The following RBFOX1 variants were observed in gnomAD, a reference collection of about 807,000 sequenced individuals.
RBFOX1 encodes RNA binding fox-1 homolog 1.
Under a neutral mutation model 57.7 loss-of-function variants are expected in RBFOX1, and 8 were observed. The ratio of observed to expected loss-of-function variants is 0.14; its 90% CI spans 0.08 to 0.25. The LOEUF (loss-of-function observed/expected upper bound fraction) is 0.25. Among genes scored for constraint, RBFOX1 ranks in the 10% least tolerant of loss-of-function variants. The pLI is 1.00. For missense variants in RBFOX1, 611 were observed against 548.5 expected, an observed-to-expected ratio of 1.11 and a Z score of -1.14; for synonymous variants, 326 against 222.4, an observed-to-expected ratio of 1.47 and a Z score of -4.15.
chr16:7,436,310 T>C (rs2098720925), intron 4 of RBFOX1, among the ~76,000 whole-genome samples: 1 of 152,222 alleles, frequency 6.6e-6, no homozygotes, highest in Non-Finnish European at 1.5e-5. Flanking sequence ...CCCATCCTCT[T>C]TCATTGTATG....
chr16:5,409,117 C>T (rs1310966548), intron 1 of RBFOX1, among the ~76,000 whole-genome samples: 1 of 152,208 alleles, frequency 6.6e-6, no homozygotes, highest in Non-Finnish European at 1.5e-5. Flanking sequence ...AGGTCCCAGG[C>T]AGCAAGAAAC....
At chr16:5,927,746 T>C (rs1246235932) in intron 4 of RBFOX1, among the ~76,000 whole-genome samples, 1 of 152,188 alleles carries the variant, frequency 6.6e-6, no homozygotes, top group African/African-American at 2.4e-5. Flanking sequence ...TGTATATACA[T>C]GATGGAATAC....
chr16:7,474,363 C>T (rs1039321743), intron 4 of RBFOX1, among the ~76,000 whole-genome samples: 1 of 152,130 alleles, frequency 6.6e-6, no homozygotes, highest in Non-Finnish European at 1.5e-5. Context: ...TAAATGGCCT[C>T]TTCTCACCTT....
At chr16:6,140,513 C>T (rs1371344802) in intron 1 of RBFOX1, among the ~76,000 whole-genome samples, 1 of 152,128 alleles carries the variant, frequency 6.6e-6, no homozygotes, top group Non-Finnish European at 1.5e-5. Flanking sequence ...CTTCTACTTT[C>T]TCCTGTAGGG....
At chr16:7,293,473 A>C (rs576658509) in intron 4 of RBFOX1, among the ~76,000 whole-genome samples, 18 of 152,164 alleles carry the variant, frequency 1.2e-4, no homozygotes, top group Non-Finnish European at 2.6e-4. Context: ...CACCATCTTC[A>C]TGTCTGCTCA....
intron 3 of RBFOX1, among the ~76,000 whole-genome samples, chr16:6,874,397 C>T (rs899548466): frequency 6.6e-6 from 1 of 151,132 alleles, no homozygotes; most frequent in African/African-American, 2.4e-5. Context: ...GTAGTCCCAG[C>T]TACTTAGGAG....
chr16:6,279,826 T>A (rs978744080), intron 1 of RBFOX1, among the ~76,000 whole-genome samples: 2 of 152,088 alleles, frequency 1.3e-5, no homozygotes, highest in African/African-American at 4.8e-5. Context: ...TAAATGGTAA[T>A]GTTCCCACTT....
At chr16:6,630,913 T>C (rs927134315) in intron 2 of RBFOX1, among the ~76,000 whole-genome samples, 1 of 152,108 alleles carries the variant, frequency 6.6e-6, no homozygotes, top group Non-Finnish European at 1.5e-5. Flanking sequence ...TTTATTTGAG[T>C]ACATTAGACT....
rs542558296 is a variant in RBFOX1, at chr16:6,230,726, T to C, written c.-126-86269T>C. Among the ~76,000 whole-genome samples, 9 of 152,318 alleles carry C rather than the reference T, an allele frequency of 5.9e-5. No homozygotes were observed. In the East Asian group the frequency reaches 1.5e-3, roughly 26 times the overall value. On this transcript the variant is annotated intron_variant, in intron 1 of 15. Coordinates refer to ENST00000550418, the MANE Select transcript of RBFOX1 (RefSeq NM_018723.4). ...TGAGCAAATATCTTATGCGGATAGC[T>C]TAAGGAAAGAGCTGCACACCTGGGC...
intron 1 of RBFOX1, among the ~76,000 whole-genome samples, chr16:6,257,243 A>G (rs539991833): frequency 3.0e-4 from 45 of 152,010 alleles, no homozygotes; most frequent in African/African-American, 9.9e-4. Flanking sequence ...TGTGCTAGCT[A>G]TTTATCCCGA....
intron 4 of RBFOX1, among the ~76,000 whole-genome samples, chr16:5,993,335 CTGTACGTGTGTGTG>C (rs2060434023): frequency 8.2e-6 from 1 of 121,634 alleles, no homozygotes; most frequent in Non-Finnish European, 1.7e-5. Flanking sequence ...TTTGATAATG[CTGTACGTGTGTGTG>C]TGTGTGTGTG....
intron 4 of RBFOX1, among the ~76,000 whole-genome samples, chr16:7,483,850 G>C (rs2064664241): frequency 1.3e-5 from 2 of 152,220 alleles, no homozygotes; most frequent in African/African-American, 4.8e-5. Context: ...CTGCGCATCA[G>C]ATGTTTTCAA....
In RBFOX1 at chr16:6,459,111, GGATCCCGAGGTCAGCA is replaced by G. The variant is rs1391917832; in HGVS notation, c.-64+142059_-64+142074del. On this transcript the variant is annotated intron_variant, in intron 2 of 15. Transcript: ENST00000550418. ...AGCACTTTGGGAGGCCAAGGTGGGT[GGATCCCGAGGTCAGCA>G]GATCGAGACCATCCTGGCTAACACA... Among the ~76,000 whole-genome samples, 8 of 152,286 alleles carry G rather than the reference GGATCCCGAGGTCAGCA, an allele frequency of 5.3e-5. No homozygotes were observed. The East Asian group carries it at 1.2e-3, about 22-fold the overall frequency.
intron 4 of RBFOX1, among the ~76,000 whole-genome samples, chr16:7,259,670 A>C (rs1046451089): frequency 6.6e-6 from 1 of 152,166 alleles, no homozygotes; most frequent in Non-Finnish European, 1.5e-5. Flanking sequence ...TTTTATCACT[A>C]ACTTGAGAGG....
chr16:6,568,832 G>A (rs117978108), intron 2 of RBFOX1, among the ~76,000 whole-genome samples: 147 of 152,106 alleles, frequency 9.7e-4, no homozygotes, highest in Non-Finnish European at 1.5e-3. Context: ...GCAGTGGCGC[G>A]ATCTCGGCTC....
intron 3 of RBFOX1, among the ~76,000 whole-genome samples, chr16:5,861,519 C>T (rs1348806312): frequency 6.6e-6 from 1 of 152,176 alleles, no homozygotes; most frequent in Admixed American, 6.5e-5. Context: ...ATTTGCTCTC[C>T]CACCTGGGAC....
At chr16:7,575,716 C>G (rs2093271458) in intron 5 of RBFOX1, among the ~76,000 whole-genome samples, 2 of 152,150 alleles carry the variant, frequency 1.3e-5, no homozygotes, top group African/African-American at 4.8e-5. Context: ...GGTCCTCTTT[C>G]AGGAAACGAA....
chr16:6,890,324 G>T (rs563785075), intron 3 of RBFOX1, among the ~76,000 whole-genome samples: 9 of 152,226 alleles, frequency 5.9e-5, no homozygotes, highest in African/African-American at 1.9e-4. Context: ...TTCAAGACCA[G>T]CCTGGCCTAC....
At chr16:6,104,132 A>AACACACACACACAC (rs112249231) in intron 1 of RBFOX1, among the ~76,000 whole-genome samples, 76 of 148,468 alleles carry the variant, frequency 5.1e-4, no homozygotes, top group African/African-American at 1.8e-3. Flanking sequence ...TCCCAGTTGA[A>AACACACACACACAC]ACACACACAC....
Sources: gnomAD v4.1 joint callset for allele counts (sites outside exome capture counted in the v4.1 genomes callset) on GRCh38, gnomAD v4.1.1 for gene constraint, MANE v1.5 for transcripts, NCBI Gene and HGNC (gene_info 2026-07-23, HGNC 2026-07-21) for gene names.